FAM98B: variants seen among roughly 807,000 people sequenced by gnomAD.
FAM98B encodes tRNA-splicing ligase complex subunit FAM98B.
A neutral mutation model predicts 43.9 loss-of-function variants in FAM98B; 32 were observed. The ratio of observed to expected loss-of-function variants is 0.73; its 90% CI spans 0.55 to 0.98. FAM98B has a LOEUF of 0.98. Ranked by LOEUF, FAM98B falls within the 50% of genes least tolerant of loss-of-function variation. FAM98B has a pLI of 0.00. For missense variants in FAM98B, 514 were observed against 522.9 expected (o/e 0.98, Z 0.17); for synonymous variants, 190 against 174.0 (o/e 1.09, Z -0.72).
rs1051455371 is a variant in FAM98B at position 38,464,044 on chromosome 15, A to G, written c.84A>G (p.Pro28=). 16 of 1,610,640 alleles carry G rather than the reference A, an allele frequency of 9.9e-6. No individual in the cohort carries two copies. Among genetic ancestry groups the G allele is most frequent in the East Asian group, 2.2e-5 (1 of 44,824 alleles). ...TCTTCCTTTCTAGGTATAAAGGACCATTGTTAGAAGAGCAAGCCCTTACAA... is the reference window on the plus strand; with the variant it reads ...TCTTCCTTTCTAGGTATAAAGGACCGTTGTTAGAAGAGCAAGCCCTTACAA... ...DTLEALGYKG[P]LLEEQALTKA... Residue 28 remains proline (P), a synonymous_variant, in exon 2 of 8, where the codon CCA becomes CCG. Coordinates refer to ENST00000397609, the MANE Select transcript of FAM98B (RefSeq NM_173611.4).
chr15:38,470,283 A>G lies in FAM98B; in HGVS notation c.409A>G (p.Asn137Asp). ...SQILQNKKHK[N>D]SQLDKNSEVY... ...GATATTACAGAACAAGAAACATAAA[A>G]ATTCTCAATTAGATAAAAATAGTGA... Residue 137 changes from asparagine to aspartate, a missense_variant, in exon 4 of 8, where the codon AAT becomes GAT. Asn to Asp is a conservative substitution (Grantham distance 23). This residue lies in a region of FAM98B where 469 missense variants were observed against 451.8 expected (regional missense o/e 1.04). Transcript: ENST00000397609. 6.3e-7 allele frequency: 1 copy of G among 1,588,740 alleles called. No individual in the cohort carries two copies. Among genetic ancestry groups the G allele is most frequent in the Non-Finnish European group, 8.6e-7 (1 of 1,166,084 alleles).
chr15:38,464,261 A>T (rs1889994654), intron 2 of FAM98B, 84 bp downstream of exon 2: 2 of 1,314,324 alleles, frequency 1.5e-6, no homozygotes, highest in African/African-American at 1.5e-5. Flanking sequence ...TAATGTGCCC[A>T]CTGTACAAAG....
intron 1 of FAM98B, among the ~76,000 whole-genome samples, chr15:38,463,409 T>G (rs1889978916): frequency 2.0e-5 from 3 of 151,828 alleles, no homozygotes. Flanking sequence ...GAGAATCCCT[T>G]GAACCCAGGA....
rs1389847631 is a variant in FAM98B at position 38,457,792 on chromosome 15, G to A, written c.71+3560G>A. On this transcript the variant is annotated intron_variant, in intron 1 of 7. Coordinates refer to ENST00000397609, the MANE Select transcript of FAM98B (RefSeq NM_173611.4). ...AAGTGAATGGGTGGCAAATCTGAGT[G>A]GCCTGTGCCTCAAGGAAATAGGAGA... 2.6e-5 allele frequency among the ~76,000 whole-genome samples: 4 copies of A among 152,218 alleles called. No individual in the cohort carries two copies. In the East Asian group the frequency reaches 5.8e-4, roughly 22 times the overall value.
At chr15:38,471,765 C>G (rs2141057895) in intron 4 of FAM98B, among the ~76,000 whole-genome samples, 1 of 152,122 alleles carries the variant, frequency 6.6e-6, no homozygotes, top group East Asian at 1.9e-4. Context: ...GTATTATTTT[C>G]TAACTTCAAG....
At chr15:38,458,068 C>T (rs1889878459) in intron 1 of FAM98B, among the ~76,000 whole-genome samples, 1 of 151,394 alleles carries the variant, frequency 6.6e-6, no homozygotes, top group Non-Finnish European at 1.5e-5. Flanking sequence ...AGGTTCGAGA[C>T]TATGGCTAGA....
chr15:38,463,944 A>C, intron 1 of FAM98B, 88 bp from the exon 2 acceptor site: 1 of 1,252,864 alleles, frequency 8.0e-7, no homozygotes, highest in Non-Finnish European at 1.1e-6. Context: ...ATTTACAAAA[A>C]CAAGCAGCAG....
At chr15:38,481,879 A>G in intron 7 of FAM98B, 1 of 286,930 alleles carries the variant, frequency 3.5e-6, no homozygotes, top group Non-Finnish European at 6.6e-6. Flanking sequence ...TCATTTACTT[A>G]CAGAAATGAC....
intron 3 of FAM98B, among the ~76,000 whole-genome samples, chr15:38,468,215 G>T (rs1208908624): frequency 6.6e-6 from 1 of 152,102 alleles, no homozygotes; most frequent in Non-Finnish European, 1.5e-5. Context: ...TGAAAAACTG[G>T]CAATCTGTTT....
chr15:38,469,064 C>A (rs1266344882), intron 3 of FAM98B, among the ~76,000 whole-genome samples: 2 of 152,090 alleles, frequency 1.3e-5, no homozygotes, highest in Non-Finnish European at 2.9e-5. Context: ...TGCTGCCATG[C>A]CTGGCTAATT....
At chr15:38,459,582 G>C (rs1566896841) in intron 1 of FAM98B, 1 of 244,932 alleles carries the variant, frequency 4.1e-6, no homozygotes, top group Admixed American at 5.1e-5. Context: ...AAGAACCAGT[G>C]AGCCCATGGT....
At chr15:38,470,518 G>GT (rs1272179128) in intron 4 of FAM98B, 113 bp downstream of exon 4, 2 of 986,218 alleles carry the variant, frequency 2.0e-6, no homozygotes, top group Admixed American at 3.8e-5. Flanking sequence ...TATTTCAAGA[G>GT]TTTATCTTCA....
At chr15:38,459,190 T>C in intron 1 of FAM98B, 1 of 409,392 alleles carries the variant, frequency 2.4e-6, no homozygotes, top group Non-Finnish European at 4.8e-6. Context: ...AAGCTAGCAT[T>C]GTTGCTGGGC....
intron 1 of FAM98B, among the ~76,000 whole-genome samples, chr15:38,457,560 T>G: frequency 6.6e-6 from 1 of 151,978 alleles, no homozygotes; most frequent in Middle Eastern, 3.4e-3. Flanking sequence ...ATAAGTGATT[T>G]TGGAGGTGCA....
chr15:38,471,184 C>T (rs929507778), intron 4 of FAM98B, among the ~76,000 whole-genome samples: 1 of 151,962 alleles, frequency 6.6e-6, no homozygotes, highest in African/African-American at 2.4e-5. Context: ...AAATTAAATC[C>T]TTGTTCAGTA....
At chr15:38,482,195 G>A (rs1303161801) in intron 7 of FAM98B, 1 of 152,296 alleles carries the variant, frequency 6.6e-6, no homozygotes, top group Non-Finnish European at 1.5e-5. Flanking sequence ...CTTTTCAGAG[G>A]GATGGTTGTT....
At chr15:38,460,470 A>T (rs1048062516) in intron 1 of FAM98B, among the ~76,000 whole-genome samples, 1 of 152,106 alleles carries the variant, frequency 6.6e-6, no homozygotes, top group Non-Finnish European at 1.5e-5. Flanking sequence ...AGGTCTGTGG[A>T]CTAGCAGCGT....
chr15:38,474,154 T>G, intron 5 of FAM98B, 28 bp from the exon 6 acceptor site: 1 of 1,501,516 alleles, frequency 6.7e-7, no homozygotes, highest in Non-Finnish European at 9.3e-7. Context: ...AATCTAAAGT[T>G]TATTATTTTT....
At chr15:38,454,871 T>C (rs567348704) in intron 1 of FAM98B, among the ~76,000 whole-genome samples, 1 of 152,234 alleles carries the variant, frequency 6.6e-6, no homozygotes, top group African/African-American at 2.4e-5. Flanking sequence ...GCTGCAAGTC[T>C]GCTGCCGGCT....
Sources: gnomAD v4.1 joint callset for allele counts (sites outside exome capture counted in the v4.1 genomes callset) on GRCh38, gnomAD v4.1.1 for gene constraint, gnomAD v4.1.1 regional missense constraint, MANE v1.5 for transcripts, NCBI Gene and HGNC (gene_info 2026-07-23, HGNC 2026-07-21) for gene names.